Variants in TAB3 observed in about 807,000 individuals in gnomAD.
TAB3 encodes TGF-beta activated kinase 1 (MAP3K7) binding protein 3.
In TAB3, 18 loss-of-function variants were observed where a neutral mutation model predicts 48.1. The observed-to-expected ratio is 0.37, with a 90% confidence interval of 0.26 to 0.55. The LOEUF is 0.55. Among genes scored for constraint, TAB3 ranks in the 20% least tolerant of loss-of-function variants. The pLI is 0.78. For synonymous variants in TAB3, 185 were observed against 190.2 expected (o/e 0.97, Z 0.22); for missense variants, 414 against 549.8 (o/e 0.75, Z 2.47).
At position 30,869,028 on chromosome X, in the gene TAB3, C is replaced by G. The variant is rs749213636; in HGVS notation, c.-279-1479G>C. Among the ~76,000 whole-genome samples the G allele has an allele frequency of 1.7e-4, 18 of 107,893 alleles. No individual in the cohort carries two copies. The South Asian group carries it at 7.1e-3, about 42-fold the overall frequency. 93.7% of individuals were successfully genotyped at this position (107,893 alleles called of 115,157 possible). On this transcript the variant is annotated intron_variant, in intron 2 of 10. Transcript: ENST00000288422. The stretch of plus-strand genomic sequence containing the variant: ...TTTCTACCATGTGTAATACTTTTTT[C>G]TACTTTCTGATACAACAATGCGAAA...
At chrX:30,841,859 A>C (rs978882607) in intron 9 of TAB3, among the ~76,000 whole-genome samples, 1 of 112,351 alleles carries the variant, frequency 8.9e-6, no homozygotes, top group African/African-American at 3.2e-5. Context: ...CCTAGGCTGG[A>C]GTACAGTGGC....
rs769176477 is a variant in TAB3, at chrX:30,827,578, A to G, written c.*3849T>C. 1.7e-4 allele frequency: 19 copies of G among 112,884 alleles called. No individual in the cohort carries two copies. Among genetic ancestry groups the G allele is most frequent in the Admixed American group, 1.5e-3 (16 of 10,610 alleles). 9.3% of individuals were successfully genotyped at this position (112,884 alleles called of 1,213,427 possible). The stretch of plus-strand genomic sequence containing the variant: ...ATCTCAAAATGATTTCATTCACAGC[A>G]TACACAGAAATCTAAAAGAGACATG... On this transcript the variant is annotated 3_prime_UTR_variant, in exon 11 of 11. Transcript: ENST00000288422.
chrX:30,847,050 A>G lies in TAB3; in HGVS notation c.1711-406T>C, dbSNP rs1334884991. Among the ~76,000 whole-genome samples, 3 of 111,482 alleles carry G rather than the reference A, an allele frequency of 2.7e-5. No homozygotes were observed. In the Admixed American group the frequency reaches 2.9e-4, roughly 11 times the overall value. On this transcript the variant is annotated intron_variant, in intron 7 of 10. Coordinates refer to ENST00000288422, the MANE Select transcript of TAB3 (RefSeq NM_152787.5). Reference sequence around the variant, plus strand: ...CCAGCCTGGTAAAAATTACAACAGTACGGTGTTTACCAGAATTCTCTCATT... The same window carrying G: ...CCAGCCTGGTAAAAATTACAACAGTGCGGTGTTTACCAGAATTCTCTCATT...
At position 30,878,969 on chromosome X, in the gene TAB3, G is replaced by A. The variant is rs747978473; in HGVS notation, c.-382-7168C>T. Among the ~76,000 whole-genome samples, 3 of 111,536 alleles carry A rather than the reference G, an allele frequency of 2.7e-5. No homozygotes were observed. The South Asian group carries it at 1.1e-3, about 41-fold the overall frequency. ...GTAAAGCAATACTTGAAAATGAAAT[G>A]TATAGCTTTAAATATGTATGTCAGG... On this transcript the variant is annotated intron_variant, in intron 1 of 10. Transcript: ENST00000288422.
At chrX:30,841,414 C>CAAAAA (rs34085528) in intron 9 of TAB3, among the ~76,000 whole-genome samples, 1 of 93,373 alleles carries the variant, frequency 1.1e-5, no homozygotes, top group African/African-American at 4.0e-5. Flanking sequence ...GTCTCCATCT[C>CAAAAA]AAAAAAAAAA....
chrX:30,835,949 T>C (rs1343425369), intron 9 of TAB3: 1 of 112,539 alleles, frequency 8.9e-6, no homozygotes, highest in Admixed American at 9.4e-5. Flanking sequence ...TTTATCTTTT[T>C]TCTTTTTGTA....
At chrX:30,881,472 TA>T (rs1453921149) in intron 1 of TAB3, among the ~76,000 whole-genome samples, 1 of 111,456 alleles carries the variant, frequency 9.0e-6, no homozygotes, top group East Asian at 2.8e-4. Flanking sequence ...AACAAAATTT[TA>T]AAAAGCAATA....
chrX:30,861,919 C>CT (rs1191822714), intron 4 of TAB3, among the ~76,000 whole-genome samples: 2 of 112,141 alleles, frequency 1.8e-5, no homozygotes, highest in Non-Finnish European at 3.8e-5. Flanking sequence ...ATATTTTATA[C>CT]TTACAGCACA....
At chrX:30,859,360 C>CCACAAA (rs1555941684) in intron 5 of TAB3, 127 bp downstream of exon 5, 17 of 391,980 alleles carry the variant, frequency 4.3e-5, no homozygotes, top group Non-Finnish European at 7.1e-5. Context: ...AAATCCTGCT[C>CCACAAA]CACACACACA....
chrX:30,840,006 G>A (rs1212451470), intron 9 of TAB3, among the ~76,000 whole-genome samples: 4 of 104,110 alleles, frequency 3.8e-5, no homozygotes, highest in Non-Finnish European at 7.8e-5. Context: ...TTCAGTTTGG[G>A]TAGATTATAT....
chrX:30,878,516 A>AAAGAAAG (rs60948223), intron 1 of TAB3, among the ~76,000 whole-genome samples: 1 of 79,604 alleles, frequency 1.3e-5, no homozygotes, highest in Non-Finnish European at 2.3e-5. Flanking sequence ...AAAAAAAAAA[A>AAAGAAAG]AAAGAAAGAA....
At chrX:30,840,823 T>C (rs1056002585) in intron 9 of TAB3, among the ~76,000 whole-genome samples, 1 of 111,689 alleles carries the variant, frequency 9.0e-6, no homozygotes, top group Non-Finnish European at 1.9e-5. Flanking sequence ...TTTTCCACCA[T>C]TTCTAATCAA....
chrX:30,855,267 G>C lies in TAB3; in HGVS notation c.398C>G (p.Ala133Gly), dbSNP rs780157507. Residue 133 changes from alanine to glycine, a missense_variant, in exon 6 of 11, where the codon GCT becomes GGT. Ala to Gly is a moderately conservative substitution (Grantham distance 60). Coordinates refer to ENST00000288422, the MANE Select transcript of TAB3 (RefSeq NM_152787.5). ...AAAAAATGGATTGTAGTTGGGAGTA[G>C]CAGCAACAACAGCTGGAGCTGAGTG... Reference protein sequence around the residue: ...EPHSAPAVVAATPNYNPFFMN... With the variant: ...EPHSAPAVVAGTPNYNPFFMN... The C allele has an allele frequency of 2.6e-5, 31 of 1,211,636 alleles. No homozygotes were observed. Among genetic ancestry groups the C allele is most frequent in the Non-Finnish European group, 3.5e-5 (31 of 895,438 alleles).
At chrX:30,884,508 G>A (rs929555756) in intron 1 of TAB3, among the ~76,000 whole-genome samples, 2 of 109,222 alleles carry the variant, frequency 1.8e-5, no homozygotes, top group South Asian at 4.0e-4. Context: ...CTCTGCACTC[G>A]CTGTGTAATT....
rs778134080 is a variant in TAB3 at position 30,840,960 on chromosome X, G to A, written c.1888+2006C>T. 3.6e-5 allele frequency among the ~76,000 whole-genome samples: 4 copies of A among 111,837 alleles called. No homozygotes were observed. The South Asian group carries it at 1.5e-3, about 41-fold the overall frequency. On this transcript the variant is annotated intron_variant, in intron 9 of 10. Transcript: ENST00000288422. ...CGATACTTCTTTAGTAGACATTCAGGCAAAATCGAGTTTAAAGACTGATTT... is the reference window on the plus strand; with the variant it reads ...CGATACTTCTTTAGTAGACATTCAGACAAAATCGAGTTTAAAGACTGATTT...
In TAB3 at chrX:30,834,165, AAAC is replaced by A; in HGVS notation, c.1889-16_1889-14del. The stretch of plus-strand genomic sequence containing the variant: ...GGGTCTGAGGAGTCTGCATAAAAAT[AAAC>A]AACGCCAGAAAGAAGTGATCCAGTC... On this transcript the variant is annotated splice_polypyrimidine_tract_variant and intron_variant, in intron 9 of 10. Transcript: ENST00000288422. 8.4e-7 allele frequency: 1 copy of A among 1,190,480 alleles called. No homozygotes were observed. Among genetic ancestry groups the A allele is most frequent in the Non-Finnish European group, 1.1e-6 (1 of 877,519 alleles).
At chrX:30,859,703 T>C (rs962320926) in intron 4 of TAB3, 25 bp from the exon 5 acceptor site, 13 of 499,092 alleles carry the variant, frequency 2.6e-5, no homozygotes, top group African/African-American at 7.4e-5. Flanking sequence ...AAAAAAAGTA[T>C]GGTTAAGTCT....
chrX:30,855,692 A>G, intron 5 of TAB3, 130 bp from the exon 6 acceptor site: 1 of 630,876 alleles, frequency 1.6e-6, no homozygotes. Context: ...TTTTAACCAC[A>G]AAAAACTTCA....
At chrX:30,842,280 T>C (rs1273325648) in intron 9 of TAB3, among the ~76,000 whole-genome samples, 1 of 112,166 alleles carries the variant, frequency 8.9e-6, no homozygotes, top group Non-Finnish European at 1.9e-5. Flanking sequence ...CCAATTGCTA[T>C]GCTCCCCTTT....
Sources: gnomAD v4.1 joint callset for allele counts (sites outside exome capture counted in the v4.1 genomes callset) on GRCh38, gnomAD v4.1.1 for gene constraint, MANE v1.5 for transcripts, NCBI Gene and HGNC (gene_info 2026-07-23, HGNC 2026-07-21) for gene names.